LGR6: variants seen among roughly 807,000 people sequenced by gnomAD.
The protein encoded by LGR6 is leucine-rich repeat-containing G protein-coupled receptor 6.
LGR6 carries 45 observed loss-of-function variants against 69.4 expected under a neutral mutation model. The ratio of observed to expected loss-of-function variants is 0.65; its 90% confidence interval spans 0.51 to 0.83. LGR6 has a LOEUF of 0.83. Ranked by LOEUF, LGR6 falls within the 40% of genes least tolerant of loss-of-function variation. The pLI, the probability that LGR6 is intolerant of heterozygous loss-of-function variation, is 0.00. For synonymous variants in LGR6, 538 were observed against 555.0 expected, an observed-to-expected ratio of 0.97 and a Z score of 0.43; for missense variants, 1,108 against 1,246.7, an observed-to-expected ratio of 0.89 and a Z score of 1.68.
At chr1:202,226,377 C>G (rs577494173) in intron 2 of LGR6, among the ~76,000 whole-genome samples, 1 of 152,292 alleles carries the variant, frequency 6.6e-6, no homozygotes, top group East Asian at 1.9e-4. Flanking sequence ...TTGTCTAGCT[C>G]TTTTAGAATT....
rs1189452647 is a variant in LGR6 at position 202,313,414 on chromosome 1, A to AC, written c.1568-1382dup. ...TCTCCTGAACCCTCCCCACCCCCTGACCCCCCAAAGTAATCAGTCCCTTGC... is the reference window on the plus strand; with the variant it reads ...TCTCCTGAACCCTCCCCACCCCCTGACCCCCCCAAAGTAATCAGTCCCTTGC... On this transcript the variant is annotated intron_variant, in intron 16 of 17. Coordinates refer to ENST00000367278, the MANE Select transcript of LGR6 (RefSeq NM_001017403.2). Among the ~76,000 whole-genome samples the AC allele has an allele frequency of 1.8e-4, 27 of 151,484 alleles. 1 individual carries two copies. Among genetic ancestry groups the AC allele is most frequent in the Admixed American group, 1.8e-3 (27 of 15,196 alleles).
Position 202,193,857 on chromosome 1 carries a change from C to A in LGR6, c.-133C>A. The A allele has an allele frequency of 2.5e-6, 1 of 397,170 alleles. No homozygotes were observed. Among genetic ancestry groups the A allele is most frequent in the South Asian group, 1.0e-4 (1 of 9,744 alleles). The allele number at this position is 397,170 out of a possible 1,614,324, so 24.6% of individuals were successfully genotyped here. On this transcript the variant is annotated 5_prime_UTR_variant, in exon 1 of 18. Coordinates refer to ENST00000367278, the MANE Select transcript of LGR6 (RefSeq NM_001017403.2). ...GTCCCGGCGCTCCCACCGCCGCCGC[C>A]GCCGCCCAATAGAGCCCCTGGGGCG...
At chr1:202,199,308 G>A (rs886947901) in intron 1 of LGR6, among the ~76,000 whole-genome samples, 1 of 152,128 alleles carries the variant, frequency 6.6e-6, no homozygotes, top group Admixed American at 6.5e-5. Flanking sequence ...GGTCCCCTGG[G>A]GCTCTCCTGT....
intron 7 of LGR6, 35 bp downstream of exon 7, chr1:202,297,611 C>T (rs746521435): frequency 6.3e-7 from 1 of 1,584,700 alleles, no homozygotes; most frequent in South Asian, 1.1e-5. Context: ...GGGTGTCCTT[C>T]TGTCCCAAGG....
chr1:202,308,382 T>C (rs917713866), intron 14 of LGR6, among the ~76,000 whole-genome samples: 1 of 152,078 alleles, frequency 6.6e-6, no homozygotes, highest in African/African-American at 2.4e-5. Flanking sequence ...ACACAGCGAG[T>C]TGGTGACAGT....
chr1:202,316,429 T>C (rs926544100), intron 17 of LGR6, among the ~76,000 whole-genome samples: 25 of 152,234 alleles, frequency 1.6e-4, no homozygotes, highest in African/African-American at 6.0e-4. Flanking sequence ...GACATTAATC[T>C]GTTCCTGAGG....
At chr1:202,307,922 G>A (rs1572012841) in intron 14 of LGR6, among the ~76,000 whole-genome samples, 1 of 152,206 alleles carries the variant, frequency 6.6e-6, no homozygotes, top group South Asian at 2.1e-4. Flanking sequence ...GCTGGAAGGG[G>A]CCTCTGCTGC....
intron 6 of LGR6, among the ~76,000 whole-genome samples, chr1:202,292,929 T>C (rs1382365637): frequency 6.6e-6 from 1 of 152,244 alleles, no homozygotes; most frequent in Non-Finnish European, 1.5e-5. Flanking sequence ...AGTAGATTTT[T>C]ACTTACAGAC....
chr1:202,265,759 AG>A (rs946277903), intron 4 of LGR6, among the ~76,000 whole-genome samples: 2 of 152,228 alleles, frequency 1.3e-5, no homozygotes, highest in Non-Finnish European at 2.9e-5. Flanking sequence ...CTCCCCATCA[AG>A]CAATCATCTG....
intron 4 of LGR6, among the ~76,000 whole-genome samples, chr1:202,275,135 T>C (rs931509031): frequency 6.6e-6 from 1 of 152,138 alleles, no homozygotes; most frequent in African/African-American, 2.4e-5. Context: ...CACTTCTCCT[T>C]TGGGTTCAGG....
Position 202,318,572 on chromosome 1 carries a change from G to A in LGR6, c.2269G>A (p.Asp757Asn). ...VAGAYIKLYC[D>N]LPRGDFEAVW... ...CGGTGCCTACATCAAACTGTACTGTGACCTGCCGCGGGGCGACTTTGAGGC... is the reference window on the plus strand; with the variant it reads ...CGGTGCCTACATCAAACTGTACTGTAACCTGCCGCGGGGCGACTTTGAGGC... The change falls in exon 18 of 18, where the codon GAC becomes AAC. Residue 757 changes from aspartate (D) to asparagine (N), a missense_variant. Coordinates refer to ENST00000367278, the MANE Select transcript of LGR6 (RefSeq NM_001017403.2). 1 of 1,614,068 alleles carries A rather than the reference G, an allele frequency of 6.2e-7. No individual in the cohort carries two copies. Among genetic ancestry groups the A allele is most frequent in the Admixed American group, 1.7e-5 (1 of 60,034 alleles).
At chr1:202,301,069 G>A in intron 8 of LGR6, 95 bp from the exon 9 acceptor site, 2 of 1,376,432 alleles carry the variant, frequency 1.5e-6, no homozygotes, top group Non-Finnish European at 2.1e-6. Context: ...TCTTTCCTGG[G>A]TCTACATTGA....
At chr1:202,313,840 C>A (rs1179441783) in intron 16 of LGR6, among the ~76,000 whole-genome samples, 5 of 152,142 alleles carry the variant, frequency 3.3e-5, no homozygotes, top group Admixed American at 2.0e-4. Context: ...TTTCTTTATG[C>A]TAGGAACATT....
intron 4 of LGR6, among the ~76,000 whole-genome samples, chr1:202,258,517 A>G (rs1450241138): frequency 2.0e-5 from 3 of 151,828 alleles, no homozygotes; most frequent in African/African-American, 7.2e-5. Flanking sequence ...TTTTTCATTA[A>G]TGACTCATTT....
intron 1 of LGR6, among the ~76,000 whole-genome samples, chr1:202,221,530 G>A (rs1660154405): frequency 6.6e-6 from 1 of 152,102 alleles, no homozygotes; most frequent in Non-Finnish European, 1.5e-5. Flanking sequence ...ATCCCATCAT[G>A]GCTGTGTCCA....
At chr1:202,236,117 G>A (rs547400379) in intron 4 of LGR6, 124 bp downstream of exon 4, 2 of 735,820 alleles carry the variant, frequency 2.7e-6, no homozygotes, top group South Asian at 1.6e-5. Flanking sequence ...CCACGTTCCA[G>A]ACAGCATGCC....
intron 6 of LGR6, among the ~76,000 whole-genome samples, chr1:202,293,098 G>A (rs1020176531): frequency 8.8e-6 from 1 of 114,086 alleles, no homozygotes; most frequent in Admixed American, 1.1e-4. Context: ...AAAACACTTA[G>A]TGGCTGGCAC....
At chr1:202,309,297 T>C (rs1653525695) in intron 15 of LGR6, 121 bp downstream of exon 15, 1 of 1,220,404 alleles carries the variant, frequency 8.2e-7, no homozygotes, top group Non-Finnish European at 1.1e-6. Context: ...GACCAAGATT[T>C]AGTGGAAGGG....
chr1:202,198,483 C>G (rs570508025), intron 1 of LGR6, among the ~76,000 whole-genome samples: 1 of 152,120 alleles, frequency 6.6e-6, no homozygotes, highest in East Asian at 1.9e-4. Context: ...TGACCAGGGC[C>G]AAGAAATGTC....
Sources: gnomAD v4.1 joint callset for allele counts (sites outside exome capture counted in the v4.1 genomes callset) on GRCh38, gnomAD v4.1.1 for gene constraint, MANE v1.5 for transcripts, NCBI Gene and HGNC (gene_info 2026-07-23, HGNC 2026-07-21) for gene names.